The following VGLL4 variants were observed in gnomAD, a reference collection of about 807,000 sequenced individuals.
VGLL4 encodes vestigial like family member 4.
VGLL4 carries 7 observed loss-of-function variants against 21.0 expected under a neutral mutation model. The observed-to-expected ratio is 0.33, with a 90% CI of 0.19 to 0.63. The LOEUF (loss-of-function observed/expected upper bound fraction) is 0.63, where lower values mean the gene tolerates loss of function less well. Ranked by LOEUF, VGLL4 falls within the 20% of genes least tolerant of loss-of-function variation. VGLL4 has a pLI of 0.78. For synonymous variants in VGLL4, 222 were observed against 173.2 expected (o/e 1.28, Z -2.21); for missense variants, 394 against 425.7 (o/e 0.93, Z 0.66).
chr3:11,627,126 G>T (rs921691515), intron 1 of VGLL4, among the ~76,000 whole-genome samples: 3 of 150,994 alleles, frequency 2.0e-5, no homozygotes, highest in Non-Finnish European at 2.9e-5. Flanking sequence ...GAATGACAGA[G>T]AAAAAACTAG....
intron 1 of VGLL4, among the ~76,000 whole-genome samples, chr3:11,619,714 T>C (rs2075229221): frequency 6.6e-6 from 1 of 152,154 alleles, no homozygotes; most frequent in Non-Finnish European, 1.5e-5. Context: ...ATTCCCCTTA[T>C]TCCACCCCAT....
At chr3:11,694,573 G>A (rs1456976901) in intron 2 of VGLL4, among the ~76,000 whole-genome samples, 1 of 151,722 alleles carries the variant, frequency 6.6e-6, no homozygotes, top group Non-Finnish European at 1.5e-5. Context: ...AGTAAGCCAA[G>A]ATTGTGCCAC....
At chr3:11,643,968 T>G, upstream of VGLL4, 1 of 992,114 alleles carries the variant, frequency 1.0e-6, no homozygotes, top group Non-Finnish European at 1.2e-6. Context: ...AGGCCGAGCA[T>G]GCTCACTGCG....
chr3:11,613,731 G>A (rs2075107120), intron 1 of VGLL4, among the ~76,000 whole-genome samples: 1 of 152,172 alleles, frequency 6.6e-6, no homozygotes, highest in Admixed American at 6.5e-5. Context: ...GCGAATCAAT[G>A]AGAATTCATA....
chr3:11,635,411 A>C lies in VGLL4; in HGVS notation c.82+8026T>G, dbSNP rs545938541. Among the ~76,000 whole-genome samples the C allele has an allele frequency of 5.3e-5, 8 of 152,366 alleles. No individual in the cohort carries two copies. The East Asian group carries it at 1.3e-3, about 26-fold the overall frequency. ...GAACAATCTGCCTTCATTTCCCCTGAAGGAAGGAACATGAATGGTGATGAA... is the reference window on the plus strand; with the variant it reads ...GAACAATCTGCCTTCATTTCCCCTGCAGGAAGGAACATGAATGGTGATGAA... On this transcript the variant is annotated intron_variant, in intron 1 of 4. Coordinates refer to ENST00000430365, the MANE Select transcript of VGLL4 (RefSeq NM_001128219.3).
chr3:11,592,546 C>G (rs929044949), intron 2 of VGLL4, among the ~76,000 whole-genome samples: 5 of 152,220 alleles, frequency 3.3e-5, no homozygotes, highest in Admixed American at 3.3e-4. Context: ...CAGTCCCCAC[C>G]TCCCAAATAT....
chr3:11,657,513 C>T (rs1278790221), intron 2 of VGLL4, among the ~76,000 whole-genome samples: 1 of 79,300 alleles, frequency 1.3e-5, no homozygotes, highest in Non-Finnish European at 2.4e-5. Flanking sequence ...ATAACAATTA[C>T]AGGGAACAAT....
At chr3:11,675,348 A>T (rs1471776278) in intron 2 of VGLL4, among the ~76,000 whole-genome samples, 1 of 102,472 alleles carries the variant, frequency 9.8e-6, no homozygotes, top group Non-Finnish European at 2.5e-5. Context: ...ACTGTCTCAA[A>T]AAATAAAAAA....
intron 1 of VGLL4, chr3:11,626,620 T>C (rs1403886099): frequency 3.6e-6 from 1 of 279,888 alleles, no homozygotes. Context: ...TCAATGAGAA[T>C]GGGGCATTCA....
intron 1 of VGLL4, among the ~76,000 whole-genome samples, chr3:11,613,024 G>A (rs765464949): frequency 1.3e-5 from 2 of 151,936 alleles, no homozygotes; most frequent in African/African-American, 4.8e-5. Context: ...CCCTGGTAGA[G>A]CTTATAAATG....
At chr3:11,574,805 G>GTGTGTGTA (rs1292704515) in intron 2 of VGLL4, among the ~76,000 whole-genome samples, 2 of 148,708 alleles carry the variant, frequency 1.3e-5, no homozygotes, top group African/African-American at 2.5e-5. Flanking sequence ...GTGTGTGTGT[G>GTGTGTGTA]TGTGTGTGTG....
chr3:11,584,432 T>C (rs1295611056), intron 2 of VGLL4, among the ~76,000 whole-genome samples: 2 of 151,782 alleles, frequency 1.3e-5, no homozygotes, highest in South Asian at 2.1e-4. Flanking sequence ...AGCAGTCACC[T>C]GTGGGAAGAT....
In VGLL4 at chr3:11,568,348, G is replaced by C. The variant is rs902543002; in HGVS notation, c.273-3329C>G. On this transcript the variant is annotated intron_variant, in intron 2 of 4. Transcript: ENST00000430365. The surrounding 1 kb of genome is among the most constrained non-coding windows in gnomAD (Gnocchi z 5.9). ...CATCACAGAGGAAAGGGGTGCCAGGGCCGCCAGCTGCCAGGGCAGAGGTAA... is the reference window on the plus strand; with the variant it reads ...CATCACAGAGGAAAGGGGTGCCAGGCCCGCCAGCTGCCAGGGCAGAGGTAA... Among the ~76,000 whole-genome samples the C allele has an allele frequency of 6.6e-6, 1 of 152,206 alleles. No homozygotes were observed. Among genetic ancestry groups the C allele is most frequent in the African/African-American group, 2.4e-5 (1 of 41,466 alleles).
intron 2 of VGLL4, among the ~76,000 whole-genome samples, chr3:11,678,788 G>A (rs11707365): frequency 0.52 from 78,860 of 152,074 alleles, 21,788 homozygotes; most frequent in Non-Finnish European, 0.63. Context: ...GCAAAGGAAT[G>A]TTCCTAAGAA....
At chr3:11,646,108 T>A (rs2075786823), upstream of VGLL4, among the ~76,000 whole-genome samples, 1 of 152,218 alleles carries the variant, frequency 6.6e-6, no homozygotes, top group Admixed American at 6.5e-5. Context: ...CAAGCTTTCA[T>A]TTATAAGAAT....
rs188026899 is a variant in VGLL4 at position 11,621,367 on chromosome 3, C to G, written c.83-19345G>C. On this transcript the variant is annotated intron_variant, in intron 1 of 4. Transcript: ENST00000430365. Reference sequence around the variant, plus strand: ...CCAATGCCTAGCAACCACTAACCTACTTTCTGTCTCTATAGACTTGCCGAT... The same window carrying G: ...CCAATGCCTAGCAACCACTAACCTAGTTTCTGTCTCTATAGACTTGCCGAT... Among the ~76,000 whole-genome samples the G allele has an allele frequency of 5.3e-5, 8 of 152,326 alleles. No homozygotes were observed. In the East Asian group the frequency reaches 1.3e-3, roughly 26 times the overall value.
chr3:11,569,095 A>T (rs889356408), intron 2 of VGLL4, among the ~76,000 whole-genome samples: 1 of 152,228 alleles, frequency 6.6e-6, no homozygotes, highest in African/African-American at 2.4e-5. Flanking sequence ...CCAGATTCCA[A>T]GCAGTGACAT....
intron 1 of VGLL4, among the ~76,000 whole-genome samples, chr3:11,609,189 C>G (rs147319263): frequency 1.8e-3 from 274 of 152,222 alleles, no homozygotes; most frequent in African/African-American, 6.2e-3. Context: ...TCTTTACTCA[C>G]AAAATTAAGT....
At chr3:11,636,346 A>T (rs559098813) in intron 1 of VGLL4, among the ~76,000 whole-genome samples, 12 of 152,240 alleles carry the variant, frequency 7.9e-5, no homozygotes, top group Non-Finnish European at 1.8e-4. Flanking sequence ...AAGAATTAAC[A>T]GGAAACTATT....
Sources: allele counts gnomAD v4.1 joint callset (sites outside exome capture counted in the v4.1 genomes callset), GRCh38; gene constraint gnomAD v4.1.1; non-coding constraint Gnocchi (gnomAD v3.1); transcripts MANE v1.5; gene names NCBI Gene and HGNC (gene_info 2026-07-23, HGNC 2026-07-21).